Variants in GRM7 observed in about 807,000 individuals in gnomAD.
GRM7 encodes metabotropic glutamate receptor 7.
Under a neutral mutation model 84.5 loss-of-function variants are expected in GRM7, and 35 were observed. That is an observed-to-expected ratio of 0.41 (90% CI 0.32 to 0.55). GRM7 has a LOEUF of 0.55. Among genes scored for constraint, GRM7 ranks in the 20% least tolerant of loss-of-function variants. The pLI, the probability that GRM7 is intolerant of heterozygous loss-of-function variation, is 0.19. For missense variants in GRM7, 1,003 were observed against 1,194.6 expected (o/e 0.84, Z 2.36); for synonymous variants, 487 against 455.1 (o/e 1.07, Z -0.89).
chr3:7,312,428 C>G (rs1052960284), intron 4 of GRM7, among the ~76,000 whole-genome samples: 1 of 151,958 alleles, frequency 6.6e-6, no homozygotes, highest in Non-Finnish European at 1.5e-5. Flanking sequence ...GGTGGACAAC[C>G]TTTGGGGACA....
At chr3:6,926,892 C>T (rs1380229422) in intron 1 of GRM7, among the ~76,000 whole-genome samples, 1 of 152,058 alleles carries the variant, frequency 6.6e-6, no homozygotes, top group East Asian at 1.9e-4. Context: ...ACCCAGATAC[C>T]TGATAATTTA....
intron 1 of GRM7, among the ~76,000 whole-genome samples, chr3:7,116,389 T>C (rs922275977): frequency 6.6e-6 from 1 of 152,174 alleles, no homozygotes; most frequent in Non-Finnish European, 1.5e-5. Flanking sequence ...AAACCATCTG[T>C]CATTATGCCC....
chr3:7,022,537 AT>A lies in GRM7; in HGVS notation c.520-123914del, dbSNP rs545977392. Among the ~76,000 whole-genome samples, 136 of 152,134 alleles carry A rather than the reference AT, an allele frequency of 8.9e-4. 2 individuals are homozygous for A. In the East Asian group the frequency reaches 0.02, roughly 22 times the overall value. ...ACAATACTTCTAGTACCCCAAAAAAATATTTTCTTTTAAAATCAGAAAAAAA... is the reference window on the plus strand; with the variant it reads ...ACAATACTTCTAGTACCCCAAAAAAAATTTTCTTTTAAAATCAGAAAAAAA... On this transcript the variant is annotated intron_variant, in intron 1 of 9. Transcript: ENST00000357716.
At chr3:7,666,828 C>T (rs1167725738) in intron 8 of GRM7, among the ~76,000 whole-genome samples, 2 of 151,898 alleles carry the variant, frequency 1.3e-5, no homozygotes, top group African/African-American at 4.8e-5. Context: ...AGAAAACAAA[C>T]CTGATACGAA....
chr3:6,890,618 C>G (rs923430710), intron 1 of GRM7, among the ~76,000 whole-genome samples: 1 of 152,064 alleles, frequency 6.6e-6, no homozygotes, highest in South Asian at 2.1e-4. Flanking sequence ...AATTTCTGAT[C>G]TTTTACATTT....
intron 7 of GRM7, among the ~76,000 whole-genome samples, chr3:7,525,940 A>G (rs1700789284): frequency 6.6e-6 from 1 of 152,048 alleles, no homozygotes; most frequent in Non-Finnish European, 1.5e-5. Context: ...TACGTACCGC[A>G]GTTTTTAATC....
chr3:7,355,277 G>A (rs895284102), intron 4 of GRM7, among the ~76,000 whole-genome samples: 4 of 152,084 alleles, frequency 2.6e-5, no homozygotes, highest in African/African-American at 9.7e-5. Flanking sequence ...GAGACACATT[G>A]CTTCTTTGAG....
rs1248364429 is a variant in GRM7, at chr3:7,579,055, G to A, written c.2149G>A (p.Val717Met). 3 of 1,614,066 alleles carry A rather than the reference G, an allele frequency of 1.9e-6. No individual in the cohort carries two copies. Among genetic ancestry groups the A allele is most frequent in the Non-Finnish European group, 1.7e-6 (2 of 1,180,008 alleles). The change falls in exon 8 of 10, where the codon GTG becomes ATG. Residue 717 changes from valine (V) to methionine (M), a missense_variant. Around this residue, in one of 2 missense-constraint regions of GRM7, gnomAD observed 910 missense variants for 1,126.0 expected, o/e 0.81. Transcript: ENST00000357716. ...SSLISVQLLG[V>M]FIWFGVDPPN... ...TTTAATATCAGTTCAGCTTCTAGGG[G>A]TGTTCATTTGGTTTGGTGTTGATCC...
intron 1 of GRM7, among the ~76,000 whole-genome samples, chr3:6,870,575 A>G (rs1695089398): frequency 6.6e-6 from 1 of 152,162 alleles, no homozygotes; most frequent in East Asian, 1.9e-4. Flanking sequence ...GTATGAGATG[A>G]GCTGTCTCTT....
At chr3:7,152,672 C>T (rs982103705) in intron 2 of GRM7, among the ~76,000 whole-genome samples, 2 of 152,212 alleles carry the variant, frequency 1.3e-5, no homozygotes, top group African/African-American at 4.8e-5. Context: ...AAAGCTCTCT[C>T]TTACTCAGTC....
rs115716809 is a variant in GRM7, at chr3:7,194,947, C to T, written c.736+48279C>T. 8.6e-3 allele frequency among the ~76,000 whole-genome samples: 1,305 copies of T among 152,152 alleles called. 13 individuals are homozygous for T. Among genetic ancestry groups the T allele is most frequent in the African/African-American group, 0.03 (1,257 of 41,510 alleles). ...CCTCAACAGACTAATGGAAGAGGACCTGAGGGAAGAGGGAAGGATTCATCC... is the reference window on the plus strand; with the variant it reads ...CCTCAACAGACTAATGGAAGAGGACTTGAGGGAAGAGGGAAGGATTCATCC... On this transcript the variant is annotated intron_variant, in intron 2 of 9. Coordinates refer to ENST00000357716, the MANE Select transcript of GRM7 (RefSeq NM_000844.4).
chr3:7,397,844 A>G (rs924923426), intron 4 of GRM7, among the ~76,000 whole-genome samples: 7 of 152,074 alleles, frequency 4.6e-5, no homozygotes, highest in Non-Finnish European at 1.0e-4. Flanking sequence ...TAGTAGGTGG[A>G]GGCCAGAAAT....
At chr3:6,973,663 T>C (rs1693862337) in intron 1 of GRM7, among the ~76,000 whole-genome samples, 1 of 152,170 alleles carries the variant, frequency 6.6e-6, no homozygotes, top group Non-Finnish European at 1.5e-5. Context: ...TCAAGAGACT[T>C]ACTGCAGGAG....
intron 1 of GRM7, among the ~76,000 whole-genome samples, chr3:7,037,839 C>T (rs1458325848): frequency 6.6e-6 from 1 of 152,110 alleles, no homozygotes; most frequent in Non-Finnish European, 1.5e-5. Flanking sequence ...ATAGAAACCA[C>T]AAAGGGGAAA....
intron 1 of GRM7, among the ~76,000 whole-genome samples, chr3:7,036,145 A>G (rs1036510945): frequency 2.0e-5 from 3 of 152,220 alleles, no homozygotes; most frequent in Admixed American, 1.3e-4. Context: ...CTTACAGCCT[A>G]CACTATAGAG....
chr3:6,901,522 C>T (rs913881573), intron 1 of GRM7, among the ~76,000 whole-genome samples: 11 of 144,200 alleles, frequency 7.6e-5, no homozygotes, highest in East Asian at 4.3e-4. Flanking sequence ...CGCTGGAACC[C>T]GATAGGTGGA....
chr3:7,573,764 A>G (rs1694824427), intron 7 of GRM7, among the ~76,000 whole-genome samples: 1 of 152,188 alleles, frequency 6.6e-6, no homozygotes, highest in Non-Finnish European at 1.5e-5. Context: ...GTACTTTACC[A>G]CACCTTTTTC....
At position 7,188,996 on chromosome 3, in the gene GRM7, G is replaced by C. The variant is rs1209487343; in HGVS notation, c.736+42328G>C. Among the ~76,000 whole-genome samples the C allele has an allele frequency of 6.6e-6, 1 of 152,184 alleles. No homozygotes were observed. The highest frequency in any genetic ancestry group is 2.4e-5 in the African/African-American group (1 of 41,452). On this transcript the variant is annotated intron_variant, in intron 2 of 9. Coordinates refer to ENST00000357716, the MANE Select transcript of GRM7 (RefSeq NM_000844.4). This position sits in a 1 kb window ranked among gnomAD's most constrained non-coding sequence, Gnocchi z 4.2. ...CCTAGGAGCTGTACTTTCTGAGTGA[G>C]TGGTCTCCGACCTGTTGCAGCCTTA...
At chr3:7,334,211 G>A (rs527530273) in intron 4 of GRM7, among the ~76,000 whole-genome samples, 4 of 152,102 alleles carry the variant, frequency 2.6e-5, no homozygotes, top group Non-Finnish European at 5.9e-5. Context: ...GTGATAAAAA[G>A]TATCACCTGT....
Sources: gnomAD v4.1 joint callset for allele counts (sites outside exome capture counted in the v4.1 genomes callset) on GRCh38, gnomAD v4.1.1 for gene constraint, gnomAD v4.1.1 regional missense constraint, Gnocchi (gnomAD v3.1) non-coding constraint, MANE v1.5 for transcripts, NCBI Gene and HGNC (gene_info 2026-07-23, HGNC 2026-07-21) for gene names.